Variants in ATF1 observed in about 807,000 individuals in gnomAD.
ATF1 encodes the protein cyclic AMP-dependent transcription factor ATF-1.
In ATF1, 16 loss-of-function variants were observed where a neutral mutation model predicts 34.7. The ratio of observed to expected loss-of-function variants is 0.46; its 90% CI spans 0.31 to 0.70. ATF1 has a LOEUF of 0.70. Ranked by LOEUF, ATF1 falls within the 30% of genes least tolerant of loss-of-function variation. The pLI is 0.05. For missense variants in ATF1, 255 were observed against 321.6 expected, an observed-to-expected ratio of 0.79 and a Z score of 1.58; for synonymous variants, 105 against 113.1, an observed-to-expected ratio of 0.93 and a Z score of 0.46.
chr12:50,813,858 T>C, intron 4 of ATF1, 152 bp from the exon 5 acceptor site: 1 of 668,038 alleles, frequency 1.5e-6, no homozygotes, highest in Non-Finnish European at 2.5e-6. Flanking sequence ...TCCTTTTACA[T>C]GTAGTTCACC....
chr12:50,784,725 G>A (rs1941145734), intron 2 of ATF1, among the ~76,000 whole-genome samples: 1 of 152,168 alleles, frequency 6.6e-6, no homozygotes, highest in Non-Finnish European at 1.5e-5. Flanking sequence ...CAGGAAACTA[G>A]TTAGAAGGCA....
At chr12:50,805,561 C>CAA (rs370613978) in intron 3 of ATF1, among the ~76,000 whole-genome samples, 539 of 53,484 alleles carry the variant, frequency 0.01, 10 homozygotes, top group African/African-American at 0.026. Context: ...CTGTCTGTCT[C>CAA]AAAAAAAAAA....
intron 3 of ATF1, among the ~76,000 whole-genome samples, chr12:50,806,773 A>G (rs1377469818): frequency 6.6e-6 from 1 of 152,082 alleles, no homozygotes; most frequent in Non-Finnish European, 1.5e-5. Context: ...CTCAATGATT[A>G]TGGCCACCAG....
Position 50,820,484 on chromosome 12 carries a change from G to A in ATF1, c.*705G>A, listed in dbSNP as rs76618993. 2,471 of 181,674 alleles carry A rather than the reference G, an allele frequency of 0.014. 68 individuals carry two copies. The highest frequency in any genetic ancestry group is 0.055 in the African/African-American group (2,346 of 42,500). The allele number at this position is 181,674 out of a possible 1,614,324, so 11.3% of individuals were successfully genotyped here. On this transcript the variant is annotated 3_prime_UTR_variant, in exon 7 of 7. Transcript: ENST00000262053. ...AAAAGTTTGATACTTTTAAATAGTT[G>A]GTTTTTTTGCTTACTCTGGTAATGA...
Position 50,813,881 on chromosome 12 carries a change from G to C in ATF1, c.329-129G>C, listed in dbSNP as rs141373252. The C allele has an allele frequency of 1.6e-3, 1,330 of 810,908 alleles. 11 individuals are homozygous for C. The African/African-American group carries it at 0.021, about 13-fold the overall frequency. 50.2% of individuals were successfully genotyped at this position (810,908 alleles called of 1,614,324 possible). ...CATGTAGTTCACCTAAAGTAAAGTAGTCTGCAGTTACCAAGTAGAAGTGCA... is the reference window on the plus strand; with the variant it reads ...CATGTAGTTCACCTAAAGTAAAGTACTCTGCAGTTACCAAGTAGAAGTGCA... On this transcript the variant is annotated intron_variant, in intron 4 of 6. Coordinates refer to ENST00000262053, the MANE Select transcript of ATF1 (RefSeq NM_005171.5).
chr12:50,805,055 C>T (rs1941587782), intron 3 of ATF1, among the ~76,000 whole-genome samples: 1 of 151,936 alleles, frequency 6.6e-6, no homozygotes, highest in South Asian at 2.1e-4. Flanking sequence ...TTGTGATCTG[C>T]CTACCTCGGT....
chr12:50,809,019 T>C (rs888161311), intron 3 of ATF1, among the ~76,000 whole-genome samples: 1 of 152,154 alleles, frequency 6.6e-6, no homozygotes, highest in Non-Finnish European at 1.5e-5. Context: ...ATTACAGGTG[T>C]GAGCCACCAT....
intron 1 of ATF1, among the ~76,000 whole-genome samples, chr12:50,769,562 CT>C (rs1940721781): frequency 2.0e-5 from 3 of 151,564 alleles, no homozygotes; most frequent in African/African-American, 7.3e-5. Flanking sequence ...TGGTGTTTTG[CT>C]TTCTTTGGAT....
intron 2 of ATF1, among the ~76,000 whole-genome samples, chr12:50,782,687 C>CTTTTT (rs71086480): frequency 2.9e-5 from 3 of 102,502 alleles, no homozygotes; most frequent in East Asian, 2.7e-4. Flanking sequence ...TGTGGCCAGC[C>CTTTTT]TTTTTTTTTT....
chr12:50,788,276 G>A (rs1941227709), intron 2 of ATF1: 1 of 450,200 alleles, frequency 2.2e-6, no homozygotes, highest in Non-Finnish European at 4.5e-6. Flanking sequence ...TTGACCTCCT[G>A]TGCTCAAGCA....
At chr12:50,816,506 C>A (rs899933456) in intron 6 of ATF1, among the ~76,000 whole-genome samples, 1 of 152,116 alleles carries the variant, frequency 6.6e-6, no homozygotes, top group African/African-American at 2.4e-5. Context: ...GTGATGGACA[C>A]CCTGAATCCC....
chr12:50,797,534 AGTGGT>A (rs752999398), intron 3 of ATF1, among the ~76,000 whole-genome samples: 7 of 152,296 alleles, frequency 4.6e-5, no homozygotes, highest in Non-Finnish European at 8.8e-5. Flanking sequence ...GCTGGAGTGC[AGTGGT>A]GTGATCACAG....
At position 50,814,024 on chromosome 12, in the gene ATF1, A is replaced by G. The variant is rs761264373; in HGVS notation, c.343A>G (p.Asn115Asp). 22 of 1,612,946 alleles carry G rather than the reference A, an allele frequency of 1.4e-5. No individual in the cohort carries two copies. The highest frequency in any genetic ancestry group is 8.8e-5 in the South Asian group (8 of 90,782). ...SSGQYIAIAP[N>D]GALQLASPGT... ...TTTGATTAAAGTTGCCATTGCCCCAAATGGAGCCTTACAGTTGGCAAGTCC... is the reference window on the plus strand; with the variant it reads ...TTTGATTAAAGTTGCCATTGCCCCAGATGGAGCCTTACAGTTGGCAAGTCC... Residue 115 changes from asparagine (N) to aspartate (D), a missense_variant, in exon 5 of 7, where the codon AAT (asparagine) becomes GAT (aspartate). Transcript: ENST00000262053.
chr12:50,781,040 G>A (rs1413532983), intron 2 of ATF1, among the ~76,000 whole-genome samples: 1 of 151,950 alleles, frequency 6.6e-6, no homozygotes, highest in African/African-American at 2.4e-5. Flanking sequence ...AGAAAAGAAG[G>A]TGGACTTTAA....
chr12:50,807,590 A>C (rs533235469), intron 3 of ATF1, among the ~76,000 whole-genome samples: 1 of 152,168 alleles, frequency 6.6e-6, no homozygotes, highest in African/African-American at 2.4e-5. Context: ...ATGGGCTGGG[A>C]AGTTGGCATA....
At chr12:50,763,893 A>G (rs1025175855), upstream of ATF1, among the ~76,000 whole-genome samples, 1 of 152,092 alleles carries the variant, frequency 6.6e-6, no homozygotes, top group African/African-American at 2.4e-5. Context: ...CTGCAGCCTG[A>G]GGAACGCGTT....
intron 2 of ATF1, 107 bp downstream of exon 2, chr12:50,780,345 T>C: frequency 8.9e-7 from 1 of 1,125,426 alleles, no homozygotes. Flanking sequence ...GTTTTTGTTT[T>C]TTGGGTTTTT....
At chr12:50,806,155 A>AG (rs921103221) in intron 3 of ATF1, among the ~76,000 whole-genome samples, 1 of 151,818 alleles carries the variant, frequency 6.6e-6, no homozygotes, top group Non-Finnish European at 1.5e-5. Context: ...TCTCAAAGAA[A>AG]AAAAAAAAAA....
chr12:50,808,738 T>C (rs1941669244), intron 3 of ATF1, among the ~76,000 whole-genome samples: 1 of 139,194 alleles, frequency 7.2e-6, no homozygotes, highest in South Asian at 2.4e-4. Context: ...TGGTAGATTA[T>C]TGTAATTTTT....
Sources: gnomAD v4.1 joint callset for allele counts (sites outside exome capture counted in the v4.1 genomes callset) on GRCh38, gnomAD v4.1.1 for gene constraint, MANE v1.5 for transcripts, NCBI Gene and HGNC (gene_info 2026-07-23, HGNC 2026-07-21) for gene names.